The following DLG2 variants were observed in gnomAD, a reference collection of about 807,000 sequenced individuals.
The protein encoded by DLG2 is disks large homolog 2.
Under a neutral mutation model 132.5 loss-of-function variants are expected in DLG2, and 45 were observed. The ratio of observed to expected loss-of-function variants is 0.34; its 90% CI spans 0.27 to 0.44. The LOEUF (loss-of-function observed/expected upper bound fraction) is 0.44. Ranked by LOEUF, DLG2 falls within the 20% of genes least tolerant of loss-of-function variation. DLG2 has a pLI of 1.00. For synonymous variants in DLG2, 424 were observed against 419.6 expected (o/e 1.01, Z -0.13); for missense variants, 1,045 against 1,196.9 (o/e 0.87, Z 1.87).
chr11:85,505,177 T>C (rs1200818532), intron 3 of DLG2, among the ~76,000 whole-genome samples: 1 of 152,222 alleles, frequency 6.6e-6, no homozygotes, highest in Non-Finnish European at 1.5e-5. Context: ...CAGGAACAAT[T>C]TGACTTCCTC....
chr11:84,542,167 G>A (rs1477308577), intron 6 of DLG2, among the ~76,000 whole-genome samples: 1 of 152,028 alleles, frequency 6.6e-6, no homozygotes, highest in East Asian at 1.9e-4. Context: ...GAGAGAGGGG[G>A]AAGGAACAAA....
intron 11 of DLG2, among the ~76,000 whole-genome samples, chr11:84,005,300 C>A (rs2094528439): frequency 6.6e-6 from 1 of 151,798 alleles, no homozygotes; most frequent in African/African-American, 2.4e-5. Context: ...TATCCACATG[C>A]AAAAGAATGA....
intron 7 of DLG2, among the ~76,000 whole-genome samples, chr11:84,417,107 G>A (rs1442846046): frequency 1.3e-5 from 2 of 152,186 alleles, no homozygotes; most frequent in South Asian, 2.1e-4. Flanking sequence ...GCAACATAGT[G>A]TCCAGCACAC....
At chr11:83,476,665 C>G (rs1308104298) in intron 22 of DLG2, among the ~76,000 whole-genome samples, 4 of 151,992 alleles carry the variant, frequency 2.6e-5, no homozygotes, top group Admixed American at 6.6e-5. Context: ...TTGAAAGTTA[C>G]TAGGTAAAAT....
chr11:83,605,288 AT>A (rs1403243346), intron 19 of DLG2, among the ~76,000 whole-genome samples: 1 of 152,220 alleles, frequency 6.6e-6, no homozygotes, highest in Non-Finnish European at 1.5e-5. Context: ...AGCCAATTCA[AT>A]CTTTAAATCA....
intron 6 of DLG2, among the ~76,000 whole-genome samples, chr11:84,792,302 A>T (rs940037351): frequency 5.9e-5 from 9 of 152,108 alleles, no homozygotes; most frequent in Admixed American, 3.9e-4. Flanking sequence ...ATCATGAATG[A>T]TATTCTTAAC....
chr11:84,714,245 C>A (rs2060765367), intron 6 of DLG2, among the ~76,000 whole-genome samples: 1 of 151,538 alleles, frequency 6.6e-6, no homozygotes, highest in Admixed American at 6.6e-5. Context: ...GGGAAACTAC[C>A]CTGCTAGTGA....
At chr11:84,588,412 T>G (rs2099534896) in intron 6 of DLG2, among the ~76,000 whole-genome samples, 1 of 152,156 alleles carries the variant, frequency 6.6e-6, no homozygotes, top group Non-Finnish European at 1.5e-5. Context: ...GCAAGATAAT[T>G]AGAATTTGGG....
intron 7 of DLG2, among the ~76,000 whole-genome samples, chr11:84,365,964 G>A (rs2098679824): frequency 6.6e-6 from 1 of 152,000 alleles, no homozygotes; most frequent in Admixed American, 6.6e-5. Flanking sequence ...TACAGAGAAT[G>A]CCACAGAGAT....
At chr11:83,941,596 GT>G (rs1235228446) in intron 14 of DLG2, among the ~76,000 whole-genome samples, 1 of 151,964 alleles carries the variant, frequency 6.6e-6, no homozygotes, top group East Asian at 1.9e-4. Context: ...GTTTAGTCAT[GT>G]TGGCCAGTCT....
At chr11:83,861,091 G>A (rs945740962) in intron 16 of DLG2, among the ~76,000 whole-genome samples, 1 of 152,132 alleles carries the variant, frequency 6.6e-6, no homozygotes, top group African/African-American at 2.4e-5. Flanking sequence ...TATATGCCAT[G>A]AATTAACAAT....
chr11:83,459,383 T>C lies in DLG2; in HGVS notation c.*435A>G, dbSNP rs1175579449. 1.3e-5 allele frequency: 2 copies of C among 153,318 alleles called. No homozygotes were observed. The highest frequency in any genetic ancestry group is 3.8e-4 in the East Asian group (2 of 5,216). 9.5% of individuals were successfully genotyped at this position (153,318 alleles called of 1,614,324 possible). ...TTGTTAAGAAATCAAAAGATGTGCA[T>C]AGTTATAAAATTCAAAGTGTACCAA... On this transcript the variant is annotated 3_prime_UTR_variant, in exon 28 of 28. Transcript: ENST00000376104.
chr11:84,215,004 T>C (rs892767150), intron 8 of DLG2, among the ~76,000 whole-genome samples: 8 of 152,202 alleles, frequency 5.3e-5, no homozygotes, highest in African/African-American at 1.9e-4. Flanking sequence ...AGTCATGTCA[T>C]GGTGAAGAAA....
At chr11:83,524,708 G>A (rs531058604) in intron 21 of DLG2, among the ~76,000 whole-genome samples, 2 of 152,266 alleles carry the variant, frequency 1.3e-5, no homozygotes, top group Admixed American at 1.3e-4. Flanking sequence ...GACACTTGAA[G>A]CTTTGTACTT....
At chr11:84,710,025 T>C (rs549173389) in intron 6 of DLG2, among the ~76,000 whole-genome samples, 2 of 151,976 alleles carry the variant, frequency 1.3e-5, no homozygotes, top group Non-Finnish European at 2.9e-5. Flanking sequence ...TAAACTACTG[T>C]ATGGGCCCTC....
At chr11:85,435,807 C>A (rs1284330717) in intron 3 of DLG2, among the ~76,000 whole-genome samples, 3 of 151,890 alleles carry the variant, frequency 2.0e-5, no homozygotes, top group African/African-American at 4.8e-5. Context: ...ATTAGCAAAA[C>A]CTACTTTAAA....
At chr11:84,312,970 C>T (rs867374837) in intron 7 of DLG2, among the ~76,000 whole-genome samples, 34 of 148,852 alleles carry the variant, frequency 2.3e-4, no homozygotes, top group African/African-American at 5.9e-4. Context: ...CCACCACGCC[C>T]GGCCAATTTT....
At chr11:84,056,438 G>A (rs549309689) in intron 11 of DLG2, among the ~76,000 whole-genome samples, 10 of 152,208 alleles carry the variant, frequency 6.6e-5, no homozygotes, top group African/African-American at 2.2e-4. Context: ...TCATGGCTCA[G>A]GCTCCATTAT....
At chr11:83,921,910 C>T (rs369684572) in intron 15 of DLG2, among the ~76,000 whole-genome samples, 16 of 152,112 alleles carry the variant, frequency 1.1e-4, no homozygotes, top group Middle Eastern at 3.4e-3. Flanking sequence ...GTTATTTGAA[C>T]GTCACAGAAT....
Sources: gnomAD v4.1 joint callset for allele counts (sites outside exome capture counted in the v4.1 genomes callset) on GRCh38, gnomAD v4.1.1 for gene constraint, MANE v1.5 for transcripts, NCBI Gene and HGNC (gene_info 2026-07-23, HGNC 2026-07-21) for gene names.